Variants in AGPAT3 observed in about 807,000 individuals in gnomAD.
The protein encoded by AGPAT3 is 1-acylglycerol-3-phosphate O-acyltransferase 3.
In AGPAT3, 5 loss-of-function variants were observed where a neutral mutation model predicts 47.3. The ratio of observed to expected loss-of-function variants is 0.11; its 90% CI spans 0.06 to 0.22. The LOEUF is 0.22. Among genes scored for constraint, AGPAT3 ranks in the 10% least tolerant of loss-of-function variants. AGPAT3 has a pLI of 1.00. For synonymous variants in AGPAT3, 212 were observed against 208.3 expected (o/e 1.02, Z -0.15); for missense variants, 315 against 493.0 (o/e 0.64, Z 3.42).
chr21:43,892,018 A>G (rs2086112757), intron 1 of AGPAT3, among the ~76,000 whole-genome samples: 1 of 152,078 alleles, frequency 6.6e-6, no homozygotes, highest in Non-Finnish European at 1.5e-5. Flanking sequence ...AGTATAAATT[A>G]CTCCACGGCT....
intron 2 of AGPAT3, among the ~76,000 whole-genome samples, chr21:43,949,860 G>A (rs112814503): frequency 3.5e-4 from 53 of 152,280 alleles, no homozygotes; most frequent in African/African-American, 1.0e-3. Flanking sequence ...GGTCTGCTGG[G>A]CCCCTCTCCT....
intron 2 of AGPAT3, among the ~76,000 whole-genome samples, chr21:43,926,092 C>T (rs1272162279): frequency 6.6e-6 from 1 of 152,250 alleles, no homozygotes; most frequent in Non-Finnish European, 1.5e-5. Context: ...TTCCACTTTT[C>T]TCTGTGTTTT....
chr21:43,915,093 C>T (rs555029515), intron 2 of AGPAT3, among the ~76,000 whole-genome samples: 2 of 151,916 alleles, frequency 1.3e-5, no homozygotes, highest in South Asian at 4.2e-4. Flanking sequence ...GAGTCTTCCT[C>T]TGTCACCCAG....
In AGPAT3 at chr21:43,934,591, T is replaced by A. The variant is rs2087369040; in HGVS notation, c.-48-25043T>A. Among the ~76,000 whole-genome samples, 1 of 151,848 alleles carries A rather than the reference T, an allele frequency of 6.6e-6. No individual in the cohort carries two copies. On this transcript the variant is annotated intron_variant, in intron 2 of 9. Transcript: ENST00000291572. This position sits in a 1 kb window ranked among gnomAD's most constrained non-coding sequence, Gnocchi z 4.7. ...AACCAGAAGGTAAGACTAGGAGGTG[T>A]GCGATGGTGATGGGGCGGAGGAGGG...
At chr21:43,869,896 G>A (rs987002503) in intron 1 of AGPAT3, among the ~76,000 whole-genome samples, 2 of 152,210 alleles carry the variant, frequency 1.3e-5, no homozygotes, top group African/African-American at 4.8e-5. Flanking sequence ...TTTAGAGGTG[G>A]GGCCTCACTG....
chr21:43,890,715 G>T (rs1601229380), intron 1 of AGPAT3, among the ~76,000 whole-genome samples: 2 of 143,888 alleles, frequency 1.4e-5, no homozygotes, highest in Middle Eastern at 3.6e-3. Context: ...GCCCAGCCAG[G>T]TTTTTTTTTT....
In AGPAT3 at chr21:43,913,579, C is replaced by A. The variant is rs146863228; in HGVS notation, c.-49+9560C>A. On this transcript the variant is annotated intron_variant, in intron 2 of 9. Transcript: ENST00000291572. ...CCAGCCTGGGTGACAGAGCGAGACCCTGTCTCAAAAAAAATTATTGAGGAC... is the reference window on the plus strand; with the variant it reads ...CCAGCCTGGGTGACAGAGCGAGACCATGTCTCAAAAAAAATTATTGAGGAC... Among the ~76,000 whole-genome samples the A allele has an allele frequency of 7.2e-3, 1,094 of 152,286 alleles. 8 individuals carry two copies. Among genetic ancestry groups the A allele is most frequent in the Non-Finnish European group, 0.011 (760 of 68,020 alleles).
At position 43,987,319 on chromosome 21, in the gene AGPAT3, C is replaced by T. The variant is rs1221988547; in HGVS notation, c.*4927C>T. Among the ~76,000 whole-genome samples the T allele has an allele frequency of 2.0e-5, 3 of 152,146 alleles. No homozygotes were observed. Among genetic ancestry groups the T allele is most frequent in the South Asian group, 2.1e-4 (1 of 4,824 alleles). ...ACTTTTCAAGGCCCTCCCTTCCCTA[C>T]GAGTTGCTTTCTGGGAGGGGAAATT... On this transcript the variant is annotated 3_prime_UTR_variant, in exon 10 of 10. Transcript: ENST00000291572.
chr21:43,914,056 G>A (rs9647250), intron 2 of AGPAT3, among the ~76,000 whole-genome samples: 45,317 of 151,934 alleles, frequency 0.3, 7,826 homozygotes, highest in Non-Finnish European at 0.39. Flanking sequence ...TCTCTTTGAT[G>A]TCTGACCTCA....
At chr21:43,885,978 G>A (rs2085967430) in intron 1 of AGPAT3, among the ~76,000 whole-genome samples, 1 of 152,202 alleles carries the variant, frequency 6.6e-6, no homozygotes, top group Non-Finnish European at 1.5e-5. Flanking sequence ...GCCCGGTCAG[G>A]GGCTCCAAAT....
intron 2 of AGPAT3, among the ~76,000 whole-genome samples, chr21:43,936,911 A>T (rs151007062): frequency 6.6e-6 from 1 of 152,368 alleles, no homozygotes; most frequent in African/African-American, 2.4e-5. Context: ...TCAAGATGTG[A>T]ACAAGCTTTT....
chr21:43,964,111 G>T (rs542672987), intron 3 of AGPAT3, among the ~76,000 whole-genome samples: 1 of 152,004 alleles, frequency 6.6e-6, no homozygotes, highest in Non-Finnish European at 1.5e-5. Flanking sequence ...TCAGCCGGGC[G>T]CAGTGGGTCA....
chr21:43,931,237 A>G (rs2087231445), intron 2 of AGPAT3, among the ~76,000 whole-genome samples: 1 of 152,126 alleles, frequency 6.6e-6, no homozygotes, highest in African/African-American at 2.4e-5. Context: ...ATCTGGTGCT[A>G]GTGACGTCCC....
intron 3 of AGPAT3, among the ~76,000 whole-genome samples, chr21:43,960,357 C>T (rs1021412466): frequency 6.6e-6 from 1 of 152,198 alleles, no homozygotes; most frequent in Admixed American, 6.5e-5. Context: ...ATAGAGAAAC[C>T]GATCTGTACC....
intron 1 of AGPAT3, among the ~76,000 whole-genome samples, chr21:43,881,097 T>C (rs2123581939): frequency 6.6e-6 from 1 of 152,344 alleles, no homozygotes; most frequent in Non-Finnish European, 1.5e-5. Context: ...TATGTATTTA[T>C]TTCCAGAAAG....
chr21:43,908,308 C>G lies in AGPAT3; in HGVS notation c.-49+4289C>G, dbSNP rs565902453. ...CCTGAGGACTCTGGGGAAGGAATGC[C>G]TGTCGTGAGCGGAACCAGCCAAGTT... On this transcript the variant is annotated intron_variant, in intron 2 of 9. Coordinates refer to ENST00000291572, the MANE Select transcript of AGPAT3 (RefSeq NM_020132.5). The surrounding 1 kb of genome is among the most constrained non-coding windows in gnomAD (Gnocchi z 4.9). Among the ~76,000 whole-genome samples the G allele has an allele frequency of 6.6e-6, 1 of 152,138 alleles. No individual in the cohort carries two copies. Among genetic ancestry groups the G allele is most frequent in the Non-Finnish European group, 1.5e-5 (1 of 68,028 alleles).
At chr21:43,893,901 A>G (rs2086155338) in intron 1 of AGPAT3, among the ~76,000 whole-genome samples, 1 of 152,216 alleles carries the variant, frequency 6.6e-6, no homozygotes, top group African/African-American at 2.4e-5. Context: ...ATCATGAAAA[A>G]GTTTGAACGA....
intron 1 of AGPAT3, among the ~76,000 whole-genome samples, chr21:43,897,813 G>A (rs2086261209): frequency 1.3e-5 from 2 of 152,194 alleles, no homozygotes; most frequent in South Asian, 2.1e-4. Flanking sequence ...AGGTTGTAGC[G>A]AGCCGAGATC....
chr21:43,964,428 T>C (rs1486638486), intron 3 of AGPAT3, among the ~76,000 whole-genome samples: 1 of 150,626 alleles, frequency 6.6e-6, no homozygotes, highest in Non-Finnish European at 1.5e-5. Context: ...ACTCCTGACC[T>C]CAGGTGATCC....
Sources: gnomAD v4.1 joint callset for allele counts (sites outside exome capture counted in the v4.1 genomes callset) on GRCh38, gnomAD v4.1.1 for gene constraint, Gnocchi (gnomAD v3.1) non-coding constraint, MANE v1.5 for transcripts, NCBI Gene and HGNC (gene_info 2026-07-23, HGNC 2026-07-21) for gene names.